Variants in HNF4A observed in about 807,000 individuals in gnomAD.
The protein encoded by HNF4A is hepatocyte nuclear factor 4 alpha.
Under a neutral mutation model 52.4 loss-of-function variants are expected in HNF4A, and 15 were observed. The observed-to-expected ratio is 0.29, with a 90% confidence interval of 0.19 to 0.44. The LOEUF (loss-of-function observed/expected upper bound fraction) is 0.44. Ranked by LOEUF, HNF4A falls within the 20% of genes least tolerant of loss-of-function variation. The pLI is 1.00. For missense variants in HNF4A, 479 were observed against 647.2 expected (o/e 0.74, Z 2.82); for synonymous variants, 280 against 264.4 (o/e 1.06, Z -0.57).
intron 1 of HNF4A, among the ~76,000 whole-genome samples, chr20:44,371,625 G>T (rs1331132422): frequency 1.3e-5 from 2 of 152,114 alleles, no homozygotes; most frequent in African/African-American, 4.8e-5. Context: ...AGGAATTCGA[G>T]ATCAGCTTGG....
rs115573889 is a variant in HNF4A, at chr20:44,413,594, C to T, written c.386-100C>T. ...TGCTGATGTGGGCCTGTTCTCTGGA[C>T]ACCCCCCACCTCCTGCTCCCACTCC... On this transcript the variant is annotated intron_variant, in intron 3 of 9. Coordinates refer to ENST00000316099, the MANE Select transcript of HNF4A (RefSeq NM_000457.6). The T allele has an allele frequency of 1.6e-3, 1,298 of 805,314 alleles. 10 individuals carry two copies. The African/African-American group carries it at 0.02, about 12-fold the overall frequency. The allele number at this position is 805,314 out of a possible 1,614,324, so 49.9% of individuals were successfully genotyped here.
intron 5 of HNF4A, among the ~76,000 whole-genome samples, chr20:44,416,029 C>T (rs1600727133): frequency 1.3e-5 from 2 of 152,192 alleles, no homozygotes; most frequent in Non-Finnish European, 1.5e-5. Flanking sequence ...TTGTTAACCT[C>T]GATTTCCCAC....
upstream of HNF4A, among the ~76,000 whole-genome samples, chr20:44,401,070 C>T (rs987762930): frequency 6.6e-6 from 1 of 151,932 alleles, no homozygotes; most frequent in Non-Finnish European, 1.5e-5. Flanking sequence ...AGTTAGGGCC[C>T]CAGCAGTTGT....
At chr20:44,364,164 C>A (rs141599554) in intron 1 of HNF4A, among the ~76,000 whole-genome samples, 2 of 152,248 alleles carry the variant, frequency 1.3e-5, no homozygotes, top group Admixed American at 1.3e-4. Context: ...ACCCTTCAAC[C>A]TCTGGCTCCA....
At chr20:44,374,167 T>C (rs1467925006) in intron 1 of HNF4A, among the ~76,000 whole-genome samples, 1 of 152,210 alleles carries the variant, frequency 6.6e-6, no homozygotes, top group East Asian at 1.9e-4. Flanking sequence ...GCGTCTATTG[T>C]TCCTCTCTTG....
intron 1 of HNF4A, chr20:44,402,649 G>A: frequency 1.5e-6 from 2 of 1,354,314 alleles, no homozygotes; most frequent in Non-Finnish European, 2.0e-6. Flanking sequence ...AGGGAGGTAG[G>A]GGAAAAGAGG....
At position 44,355,811 on chromosome 20, in the gene HNF4A, A is replaced by C. The variant is rs779464983; in HGVS notation, c.7A>C (p.Ser3Arg). The stretch of plus-strand genomic sequence containing the variant: ...CGGCTGGGTGGGCTTGGCCATGGTC[A>C]GCGTGAACGCGCCCCTCGGGGCTCC... Residue 3 changes from serine (S) to arginine (R), a missense_variant, in exon 1 of 10, where the codon AGC becomes CGC. Transcript: ENST00000316673. The C allele has an allele frequency of 2.7e-5, 43 of 1,613,592 alleles. No homozygotes were observed. The highest frequency in any genetic ancestry group is 3.3e-4 in the Middle Eastern group (2 of 6,072).
rs188288400 is a variant in HNF4A, at chr20:44,360,965, G to A, written c.49+5112G>A. Among the ~76,000 whole-genome samples, 119 of 152,322 alleles carry A rather than the reference G, an allele frequency of 7.8e-4. 2 individuals are homozygous for A. The highest frequency in any genetic ancestry group is 5.6e-3 in the South Asian group (27 of 4,828). On this transcript the variant is annotated intron_variant, in intron 1 of 9. Transcript: ENST00000316673. Reference sequence around the variant, plus strand: ...TAATAGAAGCTATAACAAACATGCCGTGTCCTTGTGAAGGGTGGATAGGCC... The same window carrying A: ...TAATAGAAGCTATAACAAACATGCCATGTCCTTGTGAAGGGTGGATAGGCC...
chr20:44,399,115 GCCCCCAA>G (rs1303377198), upstream of HNF4A, among the ~76,000 whole-genome samples: 345 of 152,278 alleles, frequency 2.3e-3, 1 homozygote, highest in East Asian at 4.6e-3. Context: ...CCTCTGCACT[GCCCCCAA>G]GGCCGGTGGA....
rs188023651 is a variant in HNF4A at position 44,380,897 on chromosome 20, G to A, written c.49+25044G>A. Among the ~76,000 whole-genome samples the A allele has an allele frequency of 5.9e-5, 9 of 152,152 alleles. No individual in the cohort carries two copies. In the South Asian group the frequency reaches 1.2e-3, roughly 21 times the overall value. Reference sequence around the variant, plus strand: ...TATTCCAAAGGTTTTATACTTTTCCGTCAAACTCATTTTTAGTTAATTTTC... The same window carrying A: ...TATTCCAAAGGTTTTATACTTTTCCATCAAACTCATTTTTAGTTAATTTTC... On this transcript the variant is annotated intron_variant, in intron 1 of 9. Coordinates refer to the HNF4A transcript ENST00000316673.
intron 1 of HNF4A, chr20:44,372,967 C>T (rs1317185353): frequency 6.6e-6 from 1 of 152,180 alleles, no homozygotes; most frequent in Non-Finnish European, 1.5e-5. Flanking sequence ...ACAGTATGAC[C>T]TTGGACAGGT....
intron 8 of HNF4A, among the ~76,000 whole-genome samples, chr20:44,425,113 T>C (rs915254623): frequency 1.3e-5 from 2 of 152,232 alleles, no homozygotes; most frequent in Admixed American, 1.3e-4. Flanking sequence ...TCCTGAGTAG[T>C]TGGGATTACA....
chr20:44,396,475 T>C (rs183701493), upstream of HNF4A, among the ~76,000 whole-genome samples: 1,800 of 152,260 alleles, frequency 0.012, 18 homozygotes, highest in Non-Finnish European at 0.018. Context: ...CCGTCTCAAC[T>C]GGGTCTCTCT....
chr20:44,434,088 G>A (rs1291578618), downstream of HNF4A: 1 of 152,250 alleles, frequency 6.6e-6, no homozygotes, highest in African/African-American at 2.4e-5. Context: ...CCTTGGGGAT[G>A]AGGGTAGAGC....
chr20:44,369,110 A>C (rs2063003478), intron 1 of HNF4A, among the ~76,000 whole-genome samples: 1 of 151,844 alleles, frequency 6.6e-6, no homozygotes, highest in South Asian at 2.1e-4. Flanking sequence ...TTAGCTGGGC[A>C]TAGTGGCGGG....
chr20:44,370,063 T>G (rs897747896), intron 1 of HNF4A, among the ~76,000 whole-genome samples: 3 of 151,664 alleles, frequency 2.0e-5, no homozygotes, highest in Non-Finnish European at 2.9e-5. Context: ...GTCTCACTCT[T>G]TCACCCAGGC....
At chr20:44,410,145 T>C (rs961208578) in intron 3 of HNF4A, among the ~76,000 whole-genome samples, 2 of 152,200 alleles carry the variant, frequency 1.3e-5, no homozygotes, top group African/African-American at 4.8e-5. Flanking sequence ...TGGCCCTTTC[T>C]TGAGCTGCTG....
At position 44,424,217 on chromosome 20, in the gene HNF4A, C is replaced by T. The variant is rs751892618; in HGVS notation, c.1092C>T (p.Ala364=). ...AGTTCATCAAGCTCTTCGGCATGGC[C>T]AAGATTGACAACCTGTTGCAGGAGA... Residue 364 remains alanine, a synonymous_variant, in exon 8 of 10, where the codon GCC becomes GCT. Coordinates refer to ENST00000316099, the MANE Select transcript of HNF4A (RefSeq NM_000457.6). 52 of 1,613,962 alleles carry T rather than the reference C, an allele frequency of 3.2e-5. No individual in the cohort carries two copies. The highest frequency in any genetic ancestry group is 2.8e-4 in the Admixed American group (17 of 59,992).
At chr20:44,381,367 A>G (rs1275901748) in intron 1 of HNF4A, among the ~76,000 whole-genome samples, 1 of 148,226 alleles carries the variant, frequency 6.7e-6, no homozygotes, top group East Asian at 2.0e-4. Context: ...TGCAACCTCC[A>G]ACTCCAGGGT....
Sources: gnomAD v4.1 joint callset for allele counts (sites outside exome capture counted in the v4.1 genomes callset) on GRCh38, gnomAD v4.1.1 for gene constraint, MANE v1.5 for transcripts, NCBI Gene and HGNC (gene_info 2026-07-23, HGNC 2026-07-21) for gene names.